DDX20: variants seen among roughly 807,000 people sequenced by gnomAD.
The protein encoded by DDX20 is probable ATP-dependent RNA helicase DDX20.
DDX20 carries 61 observed loss-of-function variants against 76.4 expected under a neutral mutation model. That is an observed-to-expected ratio of 0.80 (90% CI 0.65 to 0.99). The LOEUF (loss-of-function observed/expected upper bound fraction) is 0.99. Ranked by LOEUF, DDX20 falls within the 50% of genes least tolerant of loss-of-function variation. The pLI is 0.00. For missense variants in DDX20, 976 were observed against 996.8 expected (o/e 0.98, Z 0.28); for synonymous variants, 357 against 357.4 (o/e 1.00, Z 0.01).
chr1:111,765,682 CAGT>C, intron 10 of DDX20, 52 bp from the exon 11 acceptor site: 1 of 1,391,716 alleles, frequency 7.2e-7, no homozygotes, highest in African/African-American at 1.5e-5. Context: ...ATTCAGAAAA[CAGT>C]GGTCTAGAGT....
At chr1:111,764,190 G>A (rs1420667505) in intron 10 of DDX20, among the ~76,000 whole-genome samples, 2 of 152,026 alleles carry the variant, frequency 1.3e-5, no homozygotes, top group African/African-American at 4.8e-5. Context: ...GGCTGAGGCC[G>A]GAGAATGGCA....
chr1:111,765,740 C>G lies in DDX20; in HGVS notation c.1316C>G (p.Pro439Arg). 1.3e-6 allele frequency: 2 copies of G among 1,577,100 alleles called. No individual in the cohort carries two copies. Among genetic ancestry groups the G allele is most frequent in the Non-Finnish European group, 1.7e-6 (2 of 1,166,262 alleles). Residue 439 changes from proline (P) to arginine (R), a missense_variant, in exon 11 of 11, where the codon CCC becomes CGC. By Grantham distance (103) the Pro-to-Arg change is moderately radical. This residue lies in a region of DDX20 where 630 missense variants were observed against 693.7 expected (regional missense o/e 0.91). Coordinates refer to ENST00000369702, the MANE Select transcript of DDX20 (RefSeq NM_007204.5). ...ATTTTTCTTCCTTTTTATGTAGATCCCATTCCTTCTGGTCTGATGGAAGAA... is the reference window on the plus strand; with the variant it reads ...ATTTTTCTTCCTTTTTATGTAGATCGCATTCCTTCTGGTCTGATGGAAGAA... ...CNINLLPLPD[P>R]IPSGLMEECV...
Position 111,765,865 on chromosome 1 carries a change from A to G in DDX20, c.1441A>G (p.Arg481Gly). ...AAAAAAGCAAATTCAGAAAATAGAG[A>G]GAACCCTTCAAATTCAGAAAGCTCA... is the stretch of plus-strand genomic sequence containing the variant. ...PLKKQIQKIERTLQIQKAHGD... is the reference protein window; with the variant it reads ...PLKKQIQKIEGTLQIQKAHGD... Residue 481 changes from arginine to glycine, a missense_variant, in exon 11 of 11, where the codon AGA becomes GGA. Coordinates refer to ENST00000369702, the MANE Select transcript of DDX20 (RefSeq NM_007204.5). The G allele has an allele frequency of 1.9e-6, 3 of 1,614,214 alleles. No individual in the cohort carries two copies. The highest frequency in any genetic ancestry group is 2.5e-6 in the Non-Finnish European group (3 of 1,180,016).
Position 111,766,031 on chromosome 1 carries a change from TG to T in DDX20, c.1610del (p.Gly537AlafsTer10). ...GAAAAAGCAACGTCACCAAAAGAAC[TG>T]GGCTGTGACAGGCAATCCGAAGAGC... ...IIEKATSPKE[L>X]GCDRQSEEQM... On this transcript the variant is annotated frameshift_variant, in exon 11 of 11. Coordinates refer to ENST00000369702, the MANE Select transcript of DDX20 (RefSeq NM_007204.5). LOFTEE classifies it high-confidence loss of function. 6.2e-7 allele frequency: 1 copy of T among 1,614,170 alleles called. No individual in the cohort carries two copies. Among genetic ancestry groups the T allele is most frequent in the African/African-American group, 1.3e-5 (1 of 75,032 alleles).
At chr1:111,759,350 T>A in intron 2 of DDX20, 50 bp from the exon 3 acceptor site, 1 of 1,370,232 alleles carries the variant, frequency 7.3e-7, no homozygotes, top group Non-Finnish European at 1.0e-6. Context: ...ACCAGTCCCC[T>A]ATGTATTTAT....
chr1:111,766,212 G>C lies in DDX20; in HGVS notation c.1788G>C (p.Glu596Asp), dbSNP rs1178244657. Residue 596 changes from glutamate to aspartate, a missense_variant, in exon 11 of 11, where the codon GAG becomes GAC. By Grantham distance (45) the Glu-to-Asp change is conservative. Transcript: ENST00000369702. The part of the protein sequence containing the change: ...PYTLTFAELV[E>D]DYEHYIKEGL... Reference sequence around the variant, plus strand: ...CGTTGACTTTTGCTGAATTGGTAGAGGATTATGAACATTATATTAAAGAGG... The same window carrying C: ...CGTTGACTTTTGCTGAATTGGTAGACGATTATGAACATTATATTAAAGAGG... 1 of 1,614,006 alleles carries C rather than the reference G, an allele frequency of 6.2e-7. No homozygotes were observed. The highest frequency in any genetic ancestry group is 1.3e-5 in the African/African-American group (1 of 74,912).
In DDX20 at chr1:111,759,411, G is replaced by A; in HGVS notation, c.408G>A (p.Leu136=). 6.3e-7 allele frequency: 1 copy of A among 1,596,216 alleles called. No homozygotes were observed. The highest frequency in any genetic ancestry group is 8.5e-7 in the Non-Finnish European group (1 of 1,173,678). ...TGGTTTTTTTTTAGATTTTGATCTT[G>A]GCTCCTACAAGAGAAATTGCTGTAC... The part of the protein sequence containing the change: ...LENLSTQILI[L]APTREIAVQI... Residue 136 remains leucine (L), a synonymous_variant, in exon 3 of 11, where the codon TTG becomes TTA. Coordinates refer to ENST00000369702, the MANE Select transcript of DDX20 (RefSeq NM_007204.5).
Position 111,756,088 on chromosome 1 carries a change from A to T in DDX20, c.164A>T (p.Asp55Val), listed in dbSNP as rs1302470987. Residue 55 changes from aspartate (D) to valine (V), a missense_variant, in exon 1 of 11, where the codon GAT becomes GTT. Asp to Val is a radical substitution (Grantham distance 152). Around this residue, in one of 3 missense-constraint regions of DDX20, gnomAD observed 343 missense variants for 286.4 expected, o/e 1.20. Coordinates refer to ENST00000369702, the MANE Select transcript of DDX20 (RefSeq NM_007204.5). ...DLSSPRTRTG[D>V]VLLAEPADFE... ...AGCAGCCCGCGGACCCGCACGGGGG[A>T]TGTGCTGTTGGCGGAGCCGGCCGAC... 7 of 1,604,116 alleles carry T rather than the reference A, an allele frequency of 4.4e-6. No individual in the cohort carries two copies. Among genetic ancestry groups the T allele is most frequent in the Non-Finnish European group, 5.9e-6 (7 of 1,179,184 alleles).
intron 1 of DDX20, 104 bp from the exon 2 acceptor site, chr1:111,756,542 A>T: frequency 1.0e-6 from 1 of 955,434 alleles, no homozygotes; most frequent in Middle Eastern, 2.1e-4. Context: ...GAAGGTGCCA[A>T]CTAGGGGAAT....
At chr1:111,759,329 G>A (rs1297005147) in intron 2 of DDX20, 71 bp from the exon 3 acceptor site, 3 of 1,114,682 alleles carry the variant, frequency 2.7e-6, no homozygotes, top group African/African-American at 3.2e-5. Context: ...AGTGTGTCAT[G>A]TAATGAATAT....
chr1:111,755,992 TGGCCGTGCA>T lies in DDX20; in HGVS notation c.71_79del (p.Ala24_Gln26del). On this transcript the variant is annotated inframe_deletion, in exon 1 of 11. Coordinates refer to ENST00000369702, the MANE Select transcript of DDX20 (RefSeq NM_007204.5). ...GCGACTGCTATGCCGGCTGAGCATG[TGGCCGTGCA>T]GGTCCCGGCCCCAGAGCCAACACCC... 1.9e-6 allele frequency: 3 copies of T among 1,605,788 alleles called. No individual in the cohort carries two copies. The highest frequency in any genetic ancestry group is 2.6e-6 in the Non-Finnish European group (3 of 1,174,832).
chr1:111,756,326 C>T (rs1287416113), intron 1 of DDX20, 101 bp downstream of exon 1: 2 of 1,261,864 alleles, frequency 1.6e-6, no homozygotes, highest in South Asian at 1.8e-5. Flanking sequence ...GAAGAGCCCT[C>T]GGTCGGCCCC....
chr1:111,766,792 G>A lies in DDX20; in HGVS notation c.2368G>A (p.Ala790Thr), dbSNP rs143229657. The A allele has an allele frequency of 3.7e-6, 6 of 1,614,008 alleles. No homozygotes were observed. In the African/African-American group the frequency reaches 8.0e-5, roughly 22 times the overall value. The change falls in exon 11 of 11, where the codon GCC becomes ACC. Residue 790 changes from alanine to threonine, a missense_variant. Physicochemically the swap from Ala to Thr is moderately conservative, Grantham distance 58 (BLOSUM62 0). Transcript: ENST00000369702. ...CAGGGCATGGCAAGAATATTATGCT[G>A]CCGCTTCTCATTCATATTATTGGAA... ...YYRAWQEYYA[A>T]ASHSYYWNAQ...
Position 111,767,365 on chromosome 1 carries a change from C to G in DDX20, c.*466C>G, listed in dbSNP as rs1202361494. The G allele has an allele frequency of 6.5e-6, 1 of 152,828 alleles. No homozygotes were observed. The highest frequency in any genetic ancestry group is 2.4e-5 in the African/African-American group (1 of 41,434). 9.5% of individuals were successfully genotyped at this position (152,828 alleles called of 1,614,324 possible). ...GTAGCATGGTAGATCAGAAAATCCT[C>G]TTAGGTTTTAGGCAGGAAGGAATAT... On this transcript the variant is annotated 3_prime_UTR_variant, in exon 11 of 11. Coordinates refer to ENST00000369702, the MANE Select transcript of DDX20 (RefSeq NM_007204.5).
intron 3 of DDX20, 73 bp downstream of exon 3, chr1:111,759,641 T>C (rs547168646): frequency 9.4e-6 from 13 of 1,379,934 alleles, no homozygotes; most frequent in African/African-American, 1.5e-5. Context: ...AATAAAGATA[T>C]ATGGGAGTCT....
rs1462063847 is a variant in DDX20, at chr1:111,767,005, A to T, written c.*106A>T. On this transcript the variant is annotated 3_prime_UTR_variant, in exon 11 of 11. Coordinates refer to ENST00000369702, the MANE Select transcript of DDX20 (RefSeq NM_007204.5). ...GTGGTGTATAGTGGCATTTCTGATA[A>T]ACTTGAAAAGACTTGAGTCTTTCCA... 2.2e-6 allele frequency: 2 copies of T among 891,922 alleles called. No individual in the cohort carries two copies. The highest frequency in any genetic ancestry group is 3.4e-5 in the African/African-American group (2 of 59,606). 55.3% of individuals were successfully genotyped at this position (891,922 alleles called of 1,614,324 possible).
chr1:111,765,188 T>A (rs1354073921), intron 10 of DDX20, among the ~76,000 whole-genome samples: 1 of 152,248 alleles, frequency 6.6e-6, no homozygotes, highest in Non-Finnish European at 1.5e-5. Flanking sequence ...TCATTTCTGA[T>A]TTTCATAGTC....
At chr1:111,763,123 G>A (rs1412634331) in intron 10 of DDX20, 116 bp downstream of exon 10, 1 of 766,250 alleles carries the variant, frequency 1.3e-6, no homozygotes, top group Non-Finnish European at 2.1e-6. Flanking sequence ...TCCCAGTCCT[G>A]TATGTACGTT....
chr1:111,764,840 G>A (rs1216291096), intron 10 of DDX20, among the ~76,000 whole-genome samples: 1 of 152,192 alleles, frequency 6.6e-6, no homozygotes, highest in Non-Finnish European at 1.5e-5. Context: ...GTTTCCTGGG[G>A]CAGAACTAGG....
Sources: gnomAD v4.1 joint callset for allele counts (sites outside exome capture counted in the v4.1 genomes callset) on GRCh38, gnomAD v4.1.1 for gene constraint, gnomAD v4.1.1 regional missense constraint, MANE v1.5 for transcripts, NCBI Gene and HGNC (gene_info 2026-07-23, HGNC 2026-07-21) for gene names.